KMT2E: variants seen among roughly 807,000 people sequenced by gnomAD.
The protein encoded by KMT2E is histone reader KMT2E.
KMT2E carries 30 observed loss-of-function variants against 184.6 expected under a neutral mutation model. That is an observed-to-expected ratio of 0.16 (90% CI 0.12 to 0.22). The LOEUF is 0.22. KMT2E is among the 10% of genes least tolerant of loss of function. The pLI is 1.00. For missense variants in KMT2E, 2,023 were observed against 2,237.4 expected (o/e 0.90, Z 1.93); for synonymous variants, 815 against 776.5 (o/e 1.05, Z -0.82).
chr7:105,099,232 C>T (rs1230586815), intron 15 of KMT2E, among the ~76,000 whole-genome samples: 7 of 152,170 alleles, frequency 4.6e-5, no homozygotes, highest in Non-Finnish European at 1.0e-4. Flanking sequence ...TCTTACCCAG[C>T]TGTAGTAATG....
chr7:105,075,219 T>C (rs1034081860), intron 8 of KMT2E, among the ~76,000 whole-genome samples: 1 of 151,858 alleles, frequency 6.6e-6, no homozygotes, highest in Admixed American at 6.6e-5. Context: ...CTTGCTCTCT[T>C]GTAACGTATT....
Position 105,066,737 on chromosome 7 carries a change from C to A in KMT2E, c.427C>A (p.His143Asn). ...ICCDKCSVWQHIDCMGIDRQH... is the reference protein window; with the variant it reads ...ICCDKCSVWQNIDCMGIDRQH... ...TTTTTTTTTTTTAAGCGTTTGGCAA[C>A]ATATTGACTGCATGGGGATTGATAG... Residue 143 changes from histidine (H) to asparagine (N), a missense_variant, in exon 6 of 27, where the codon CAT becomes AAT. By Grantham distance (68) the His-to-Asn change is moderately conservative (BLOSUM62 1). Transcript: ENST00000311117. The A allele has an allele frequency of 6.2e-7, 1 of 1,606,160 alleles. No homozygotes were observed. The highest frequency in any genetic ancestry group is 8.5e-7 in the Non-Finnish European group (1 of 1,175,186).
chr7:105,099,215 GC>G, intron 15 of KMT2E, among the ~76,000 whole-genome samples: 1 of 152,298 alleles, frequency 6.6e-6, no homozygotes, highest in South Asian at 2.1e-4. Context: ...TAGTGCTTAA[GC>G]TTTATTCTTA....
At chr7:105,066,063 G>C (rs550544187) in intron 5 of KMT2E, among the ~76,000 whole-genome samples, 1 of 151,940 alleles carries the variant, frequency 6.6e-6, no homozygotes, top group Non-Finnish European at 1.5e-5. Flanking sequence ...TTTAACTCAA[G>C]TGTGGAATGT....
chr7:105,018,180 T>C (rs988283048), intron 1 of KMT2E, among the ~76,000 whole-genome samples: 1 of 152,188 alleles, frequency 6.6e-6, no homozygotes, highest in Non-Finnish European at 1.5e-5. Context: ...AAAGGTGTGT[T>C]TTATGTAAAC....
chr7:105,044,866 C>T (rs1796033916), intron 3 of KMT2E, among the ~76,000 whole-genome samples: 1 of 152,170 alleles, frequency 6.6e-6, no homozygotes, highest in Admixed American at 6.5e-5. Flanking sequence ...CCCTGATACT[C>T]CTTGGAGCCA....
At chr7:105,094,264 G>A (rs1798318602) in intron 15 of KMT2E, among the ~76,000 whole-genome samples, 1 of 152,086 alleles carries the variant, frequency 6.6e-6, no homozygotes, top group African/African-American at 2.4e-5. Context: ...ATAACGTCAA[G>A]TCAAAAAGTG....
intron 3 of KMT2E, among the ~76,000 whole-genome samples, chr7:105,054,898 A>G (rs1453191423): frequency 6.6e-6 from 1 of 152,214 alleles, no homozygotes; most frequent in Non-Finnish European, 1.5e-5. Context: ...CATGAGGATC[A>G]CTTTGAAACT....
intron 5 of KMT2E, among the ~76,000 whole-genome samples, chr7:105,066,213 T>C (rs991430610): frequency 1.3e-5 from 2 of 152,148 alleles, no homozygotes; most frequent in Non-Finnish European, 2.9e-5. Context: ...AAGTCCTAAG[T>C]AATCTGACTG....
At chr7:105,059,784 A>G (rs1290101090) in intron 3 of KMT2E, among the ~76,000 whole-genome samples, 2 of 152,056 alleles carry the variant, frequency 1.3e-5, no homozygotes, top group African/African-American at 2.4e-5. Flanking sequence ...AGAAAGATAC[A>G]TGGCAATATT....
intron 2 of KMT2E, among the ~76,000 whole-genome samples, chr7:105,039,840 AT>A (rs1795806020): frequency 6.6e-6 from 1 of 152,150 alleles, no homozygotes; most frequent in African/African-American, 2.4e-5. Flanking sequence ...AGGATTATCT[AT>A]ATTGGTTTTG....
At chr7:105,101,632 A>G in intron 16 of KMT2E, 43 bp downstream of exon 16, 1 of 1,422,558 alleles carries the variant, frequency 7.0e-7, no homozygotes. Flanking sequence ...AACACTTTAA[A>G]ATAAAATGTC....
At chr7:105,028,339 T>C (rs1006820474) in intron 1 of KMT2E, among the ~76,000 whole-genome samples, 6 of 152,064 alleles carry the variant, frequency 3.9e-5, no homozygotes, top group African/African-American at 1.4e-4. Flanking sequence ...CGACTAATCT[T>C]TGAATTTCTT....
chr7:105,082,369 GA>G (rs1473669110), intron 13 of KMT2E, among the ~76,000 whole-genome samples: 3 of 152,172 alleles, frequency 2.0e-5, no homozygotes, highest in African/African-American at 7.2e-5. Flanking sequence ...TGACTCCCCA[GA>G]AACTTTACTA....
At chr7:105,059,876 G>A (rs888317055) in intron 3 of KMT2E, among the ~76,000 whole-genome samples, 2 of 149,746 alleles carry the variant, frequency 1.3e-5, no homozygotes, top group African/African-American at 4.9e-5. Flanking sequence ...TCTACAATCA[G>A]CATGTATTAA....
intron 6 of KMT2E, among the ~76,000 whole-genome samples, chr7:105,073,228 C>T (rs1797397524): frequency 6.6e-6 from 1 of 151,590 alleles, no homozygotes; most frequent in African/African-American, 2.4e-5. Context: ...GGTAACCCAT[C>T]TCTACAAAAA....
intron 23 of KMT2E, among the ~76,000 whole-genome samples, chr7:105,110,072 A>T (rs185094133): frequency 6.6e-5 from 10 of 152,092 alleles, no homozygotes; most frequent in South Asian, 2.1e-4. Flanking sequence ...TGACCTTGTA[A>T]TCTGCCCACC....
chr7:105,097,408 C>G (rs570496051), intron 15 of KMT2E, among the ~76,000 whole-genome samples: 1 of 151,944 alleles, frequency 6.6e-6, no homozygotes, highest in Non-Finnish European at 1.5e-5. Context: ...TTTTTTGAGA[C>G]GGAGTCACAC....
In KMT2E at chr7:105,038,193, T is replaced by G. The variant is rs1795740507; in HGVS notation, c.-121T>G. 6.6e-6 allele frequency: 1 copy of G among 152,206 alleles called. No individual in the cohort carries two copies. Among genetic ancestry groups the G allele is most frequent in the Non-Finnish European group, 1.5e-5 (1 of 68,030 alleles). 9.4% of individuals were successfully genotyped at this position (152,206 alleles called of 1,614,324 possible). A position where few individuals can be genotyped will look rare whatever the true frequency, so the allele number is the denominator to read the frequency against. Reference sequence around the variant, plus strand: ...TCTTGGACCTCAGATTTACCAGACATCTCATGGTATTTCCTTTTCTATTAT... The same window carrying G: ...TCTTGGACCTCAGATTTACCAGACAGCTCATGGTATTTCCTTTTCTATTAT... On this transcript the variant is annotated 5_prime_UTR_variant, in exon 2 of 27. Transcript: ENST00000311117.
Sources: allele counts gnomAD v4.1 joint callset (sites outside exome capture counted in the v4.1 genomes callset), GRCh38; gene constraint gnomAD v4.1.1; transcripts MANE v1.5; gene names NCBI Gene and HGNC (gene_info 2026-07-23, HGNC 2026-07-21).